The following DMD variants were observed in gnomAD, a reference collection of about 807,000 sequenced individuals.
The protein encoded by DMD is dystrophin.
DMD carries 63 observed loss-of-function variants against 330.1 expected under a neutral mutation model. The observed-to-expected ratio is 0.19, with a 90% confidence interval of 0.16 to 0.24. DMD has a LOEUF of 0.24. DMD is among the 10% of genes least tolerant of loss of function. The pLI is 1.00. For missense variants in DMD, 3,344 were observed against 2,684.1 expected, an observed-to-expected ratio of 1.25 and a Z score of -5.43; for synonymous variants, 1,223 against 959.8, an observed-to-expected ratio of 1.27 and a Z score of -5.07.
chrX:32,993,013 C>G (rs2093021195), intron 2 of DMD, among the ~76,000 whole-genome samples: 2 of 110,603 alleles, frequency 1.8e-5, no homozygotes, highest in South Asian at 7.5e-4. Flanking sequence ...AATATTAGAC[C>G]AACGCATTGT....
At position 32,518,028 on chromosome X, in the gene DMD, C is replaced by A. The variant is rs1426562198; in HGVS notation, c.2272G>T (p.Asp758Tyr). The A allele has an allele frequency of 8.3e-7, 1 of 1,210,589 alleles. No homozygotes were observed. Among genetic ancestry groups the A allele is most frequent in the African/African-American group, 1.7e-5 (1 of 57,719 alleles). The change falls in exon 18 of 79, where the codon GAC becomes TAC. Residue 758 changes from aspartate to tyrosine, a missense_variant. Physicochemically the swap from Asp to Tyr is radical, Grantham distance 160 (BLOSUM62 -3). Transcript: ENST00000357033. ...CCTACATTGACTTTTTCTTTTAAGT[C>A]TGAGAAGTTGCCTTCCTTCCGAAAG... ...AIFRKEGNFS[D>Y]LKEKVNAIER...
At chrX:32,883,740 C>T (rs929702500) in intron 2 of DMD, among the ~76,000 whole-genome samples, 6 of 94,163 alleles carry the variant, frequency 6.4e-5, no homozygotes, top group African/African-American at 1.6e-4. Flanking sequence ...AGGAGAATGG[C>T]GTGAACCCGG....
chrX:32,986,164 C>A (rs767764152), intron 2 of DMD, among the ~76,000 whole-genome samples: 52 of 111,487 alleles, frequency 4.7e-4, no homozygotes, highest in African/African-American at 1.7e-3. Context: ...AGTTAGCATA[C>A]ATCAAACATG....
intron 7 of DMD, among the ~76,000 whole-genome samples, chrX:32,764,329 T>G (rs2072700843): frequency 9.0e-6 from 1 of 111,456 alleles, no homozygotes; most frequent in South Asian, 3.7e-4. Context: ...CATATAATTC[T>G]AATCATTTAT....
intron 44 of DMD, among the ~76,000 whole-genome samples, chrX:32,045,449 G>A (rs756343840): frequency 9.9e-4 from 103 of 104,518 alleles, no homozygotes; most frequent in African/African-American, 3.1e-3. Flanking sequence ...AAAAGCTCCC[G>A]GAGGCCTCCC....
chrX:32,763,093 C>A (rs970553897), intron 7 of DMD, among the ~76,000 whole-genome samples: 1 of 111,650 alleles, frequency 9.0e-6, no homozygotes, highest in Non-Finnish European at 1.9e-5. Flanking sequence ...CCGCTGTACA[C>A]AATGAACAGC....
chrX:32,475,472 G>A (rs1273129345), intron 21 of DMD, among the ~76,000 whole-genome samples: 2 of 111,358 alleles, frequency 1.8e-5, no homozygotes, highest in African/African-American at 3.3e-5. Flanking sequence ...AATACTGATT[G>A]TACCCATCCA....
intron 44 of DMD, among the ~76,000 whole-genome samples, chrX:32,075,627 A>G (rs376082056): frequency 1.0e-3 from 116 of 111,403 alleles, no homozygotes; most frequent in African/African-American, 3.4e-3. Context: ...TAATTTTCCT[A>G]TCCCTTGAGG....
At chrX:31,836,560 T>C (rs1442891296) in intron 49 of DMD, among the ~76,000 whole-genome samples, 158 bp downstream of exon 49, 1 of 112,578 alleles carries the variant, frequency 8.9e-6, no homozygotes, top group Non-Finnish European at 1.9e-5. Flanking sequence ...GATATGCTGA[T>C]CAAAAAGACA....
chrX:31,802,612 C>T (rs1341725027), intron 50 of DMD, among the ~76,000 whole-genome samples: 1 of 111,297 alleles, frequency 9.0e-6, no homozygotes, highest in Non-Finnish European at 1.9e-5. Flanking sequence ...TTAAGAATGA[C>T]CCCCAAGATT....
At chrX:31,976,041 C>T (rs1307839793) in intron 44 of DMD, among the ~76,000 whole-genome samples, 1 of 110,603 alleles carries the variant, frequency 9.0e-6, no homozygotes, top group African/African-American at 3.3e-5. Flanking sequence ...GTGGAAGGTG[C>T]TAGTCATCAT....
intron 66 of DMD, among the ~76,000 whole-genome samples, chrX:31,204,971 A>G (rs1232940116): frequency 9.0e-6 from 1 of 111,659 alleles, no homozygotes; most frequent in Non-Finnish European, 1.9e-5. Flanking sequence ...CATTGATTCA[A>G]TATGTGTCTA....
chrX:31,549,889 T>C (rs1402399960), intron 55 of DMD, among the ~76,000 whole-genome samples: 9 of 112,001 alleles, frequency 8.0e-5, no homozygotes, highest in Non-Finnish European at 1.7e-4. Flanking sequence ...AGAGATTGTG[T>C]GGGCTTACAC....
At chrX:33,293,069 A>G (rs2053536635) in intron 1 of DMD, among the ~76,000 whole-genome samples, 1 of 111,408 alleles carries the variant, frequency 9.0e-6, no homozygotes, top group Non-Finnish European at 1.9e-5. Context: ...TTAAATCCAG[A>G]TTCACTCACT....
intron 2 of DMD, among the ~76,000 whole-genome samples, chrX:32,997,393 G>A (rs1982218963): frequency 2.7e-5 from 3 of 110,539 alleles, no homozygotes; most frequent in Non-Finnish European, 5.7e-5. Context: ...TTACAGGCAC[G>A]CGCCACCATG....
At chrX:32,446,012 C>G (rs757585926) in intron 27 of DMD, among the ~76,000 whole-genome samples, 1 of 109,759 alleles carries the variant, frequency 9.1e-6, no homozygotes, top group African/African-American at 3.3e-5. Flanking sequence ...CAAAATTGAG[C>G]AGATAGAGAT....
At chrX:32,216,756 A>G (rs2097113623) in intron 44 of DMD, 160 bp downstream of exon 44, 1 of 503,290 alleles carries the variant, frequency 2.0e-6, no homozygotes, top group Non-Finnish European at 3.4e-6. Flanking sequence ...ACCGTGCTCT[A>G]ATATTATCAT....
chrX:32,131,648 A>G (rs2096695409), intron 44 of DMD, among the ~76,000 whole-genome samples: 1 of 112,431 alleles, frequency 8.9e-6, no homozygotes, highest in African/African-American at 3.2e-5. Context: ...GATGGTCATT[A>G]GTGATGAAGA....
chrX:31,163,606 T>G (rs1205002762), intron 74 of DMD, among the ~76,000 whole-genome samples: 2 of 111,919 alleles, frequency 1.8e-5, no homozygotes, highest in Non-Finnish European at 3.8e-5. Flanking sequence ...ACTGGACATT[T>G]TAACATTCAT....
Sources: gnomAD v4.1 joint callset for allele counts (sites outside exome capture counted in the v4.1 genomes callset) on GRCh38, gnomAD v4.1.1 for gene constraint, MANE v1.5 for transcripts, NCBI Gene and HGNC (gene_info 2026-07-23, HGNC 2026-07-21) for gene names.